The following PTP4A2 variants were observed in gnomAD, a reference collection of about 807,000 sequenced individuals.
PTP4A2 encodes protein tyrosine phosphatase type IVA 2.
PTP4A2 carries 2 observed loss-of-function variants against 22.9 expected under a neutral mutation model. The observed-to-expected ratio is 0.09, with a 90% CI of 0.04 to 0.27. The LOEUF is 0.27. Among genes scored for constraint, PTP4A2 ranks in the 10% least tolerant of loss-of-function variants. The pLI is 1.00. For synonymous variants in PTP4A2, 68 were observed against 69.1 expected (o/e 0.98, Z 0.08); for missense variants, 103 against 205.1 (o/e 0.50, Z 3.04).
intron 5 of PTP4A2, among the ~76,000 whole-genome samples, chr1:31,909,782 C>T (rs1651438125): frequency 6.6e-6 from 1 of 152,038 alleles, no homozygotes; most frequent in South Asian, 2.1e-4. Context: ...TTAAAAGGGG[C>T]ATTTTTGAGA....
chr1:31,937,792 G>T, intron 1 of PTP4A2, 195 bp downstream of exon 1: 1 of 150,234 alleles, frequency 6.7e-6, no homozygotes, highest in Non-Finnish European at 1.5e-5. Context: ...CCCCACGCTC[G>T]CACAGCTCTC....
chr1:31,913,047 A>G (rs762465193), intron 3 of PTP4A2: 5 of 453,652 alleles, frequency 1.1e-5, no homozygotes, highest in South Asian at 4.7e-5. Flanking sequence ...AATATAAAAC[A>G]TGCTTCACTT....
chr1:31,911,816 A>T lies in PTP4A2; in HGVS notation c.200T>A (p.Phe67Tyr). Reference sequence around the variant, plus strand: ...ATTAGGGGGTGGAGCTCCATCATCAAATGGCCAATCCTGAAAAGAAATGAC... The same window carrying T: ...ATTAGGGGGTGGAGCTCCATCATCATATGGCCAATCCTGAAAAGAAATGAC... ...KEGIHVLDWPFDDGAPPPNQI... is the reference protein window; with the variant it reads ...KEGIHVLDWPYDDGAPPPNQI... Residue 67 changes from phenylalanine to tyrosine, a missense_variant, in exon 4 of 6, where the codon TTT becomes TAT. Phe to Tyr is a conservative substitution (Grantham distance 22, BLOSUM62 3). Coordinates refer to ENST00000647444, the MANE Select transcript of PTP4A2 (RefSeq NM_080391.4). 1 of 1,575,294 alleles carries T rather than the reference A, an allele frequency of 6.3e-7. No homozygotes were observed. The highest frequency in any genetic ancestry group is 1.2e-5 in the South Asian group (1 of 84,284).
chr1:31,907,991 C>T lies in PTP4A2; in HGVS notation c.*861G>A, dbSNP rs1321034505. ...CTCCTCTTAAAATGCCATTTCTCCA[C>T]TAATTTATCAAAATAAAAACAAAAC... On this transcript the variant is annotated 3_prime_UTR_variant, in exon 6 of 6. Transcript: ENST00000647444. 1 of 149,784 alleles carries T rather than the reference C, an allele frequency of 6.7e-6. No individual in the cohort carries two copies. Among genetic ancestry groups the T allele is most frequent in the Non-Finnish European group, 1.5e-5 (1 of 67,572 alleles). The allele number at this position is 149,784 out of a possible 1,614,324, so 9.3% of individuals were successfully genotyped here. A position where few individuals can be genotyped will look rare whatever the true frequency, so the allele number is the denominator to read the frequency against.
intron 4 of PTP4A2, 45 bp from the exon 5 acceptor site, chr1:31,910,157 G>T: frequency 6.7e-7 from 1 of 1,502,808 alleles, no homozygotes; most frequent in Non-Finnish European, 9.2e-7. Flanking sequence ...GTCTTGGAGT[G>T]AAAGGATTTT....
At chr1:31,912,066 C>T (rs1345727589) in intron 3 of PTP4A2, among the ~76,000 whole-genome samples, 1 of 152,156 alleles carries the variant, frequency 6.6e-6, no homozygotes, top group Non-Finnish European at 1.5e-5. Flanking sequence ...CAAAAACTTA[C>T]AGAAATCTCT....
chr1:31,911,188 C>CA (rs1651517375), intron 4 of PTP4A2: 1 of 152,306 alleles, frequency 6.6e-6, no homozygotes, highest in African/African-American at 2.4e-5. Flanking sequence ...TGTTTTGAGT[C>CA]AAAGTGTGCA....
chr1:31,930,461 C>T (rs1338808454), intron 1 of PTP4A2, among the ~76,000 whole-genome samples: 1 of 152,140 alleles, frequency 6.6e-6, no homozygotes, highest in Non-Finnish European at 1.5e-5. Context: ...CAGTATTAAT[C>T]CCCAAAGAGA....
At chr1:31,917,433 G>C (rs1569598515) in intron 2 of PTP4A2, among the ~76,000 whole-genome samples, 1 of 152,028 alleles carries the variant, frequency 6.6e-6, no homozygotes, top group Admixed American at 6.6e-5. Context: ...GTATTGTCAG[G>C]AATTTTAAAA....
chr1:31,935,530 C>A (rs1652897744), intron 1 of PTP4A2: 1 of 152,138 alleles, frequency 6.6e-6, no homozygotes, highest in South Asian at 2.1e-4. Context: ...GAGTCAAAGA[C>A]CTGGATTTTT....
At chr1:31,913,779 A>G in intron 3 of PTP4A2, 1 of 455,862 alleles carries the variant, frequency 2.2e-6, no homozygotes, top group Admixed American at 2.4e-5. Context: ...TTTCACAAAG[A>G]TGTTTACCAA....
rs932339809 is a variant in PTP4A2, at chr1:31,907,177, G to T, written c.*1675C>A. 6.6e-6 allele frequency: 1 copy of T among 152,200 alleles called. No individual in the cohort carries two copies. Among genetic ancestry groups the T allele is most frequent in the Non-Finnish European group, 1.5e-5 (1 of 68,064 alleles). The allele number at this position is 152,200 out of a possible 1,614,324, so 9.4% of individuals were successfully genotyped here. A position where few individuals can be genotyped will look rare whatever the true frequency, so the allele number is the denominator to read the frequency against. On this transcript the variant is annotated 3_prime_UTR_variant, in exon 6 of 6. Transcript: ENST00000647444. ...GTCTGTTCCTATTGGCCTAGCTGAC[G>T]CTAACAAAATGGGAGGCTTATGGCT...
intron 5 of PTP4A2, 44 bp downstream of exon 5, chr1:31,909,994 G>GATCT: frequency 1.3e-6 from 2 of 1,503,976 alleles, no homozygotes; most frequent in Non-Finnish European, 1.8e-6. Context: ...CCTCATGCAT[G>GATCT]ATCTTGCTTT....
At chr1:31,918,700 A>C (rs1162838964) in intron 2 of PTP4A2, among the ~76,000 whole-genome samples, 2 of 152,198 alleles carry the variant, frequency 1.3e-5, no homozygotes, top group Admixed American at 6.5e-5. Flanking sequence ...GTGGTCAATA[A>C]ATGTTAATTA....
rs372363673 is a variant in PTP4A2 at position 31,919,097 on chromosome 1, G to A, written c.-32C>T. The A allele has an allele frequency of 7.7e-5, 84 of 1,087,034 alleles. No homozygotes were observed. Among genetic ancestry groups the A allele is most frequent in the Non-Finnish European group, 1.1e-4 (81 of 714,604 alleles). 67.3% of individuals were successfully genotyped at this position (1,087,034 alleles called of 1,614,324 possible). ...AAATAAAAAGTGTGAGCGTGCGTGT[G>A]AGTGTGATGGGGAAAGTGAAAAAAA... On this transcript the variant is annotated 5_prime_UTR_variant, in exon 2 of 6. Transcript: ENST00000647444.
chr1:31,917,622 C>G (rs116504051), intron 2 of PTP4A2, among the ~76,000 whole-genome samples: 1 of 152,118 alleles, frequency 6.6e-6, no homozygotes, highest in Non-Finnish European at 1.5e-5. Flanking sequence ...CTTTCTAACT[C>G]TACTCCATAA....
chr1:31,935,965 A>G (rs1652916499), intron 1 of PTP4A2, among the ~76,000 whole-genome samples: 1 of 151,636 alleles, frequency 6.6e-6, no homozygotes, highest in Admixed American at 6.6e-5. Context: ...TAACTTTTGT[A>G]TTTTCTGTAG....
At chr1:31,924,834 A>G (rs543280058) in intron 1 of PTP4A2, among the ~76,000 whole-genome samples, 1 of 152,334 alleles carries the variant, frequency 6.6e-6, no homozygotes, top group Admixed American at 6.5e-5. Context: ...ACTTCAATGA[A>G]GGATGAGAAA....
At chr1:31,929,917 G>GC (rs1209641921) in intron 1 of PTP4A2, among the ~76,000 whole-genome samples, 1 of 152,222 alleles carries the variant, frequency 6.6e-6, no homozygotes, top group Non-Finnish European at 1.5e-5. Flanking sequence ...TGTAACAGCT[G>GC]CAAGTTCCCT....
Sources: gnomAD v4.1 joint callset for allele counts (sites outside exome capture counted in the v4.1 genomes callset) on GRCh38, gnomAD v4.1.1 for gene constraint, MANE v1.5 for transcripts, NCBI Gene and HGNC (gene_info 2026-07-23, HGNC 2026-07-21) for gene names.